NSFL1C: variants seen among roughly 807,000 people sequenced by gnomAD.
NSFL1C encodes the protein NSFL1 cofactor.
A neutral mutation model predicts 43.1 loss-of-function variants in NSFL1C; 14 were observed. That is an observed-to-expected ratio of 0.32 (90% CI 0.21 to 0.51). NSFL1C has a LOEUF of 0.51. Among genes scored for constraint, NSFL1C ranks in the 20% least tolerant of loss-of-function variants. The pLI is 0.98. For missense variants in NSFL1C, 406 were observed against 472.5 expected, an observed-to-expected ratio of 0.86 and a Z score of 1.30; for synonymous variants, 171 against 183.5, an observed-to-expected ratio of 0.93 and a Z score of 0.55.
chr20:1,461,356 G>T (rs983097910), intron 2 of NSFL1C, among the ~76,000 whole-genome samples: 1 of 152,196 alleles, frequency 6.6e-6, no homozygotes, highest in Admixed American at 6.5e-5. Flanking sequence ...TGGTCACAGG[G>T]TTAGCAATAA....
intron 7 of NSFL1C, chr20:1,446,157 G>A (rs539930360): frequency 1.6e-5 from 7 of 445,430 alleles, no homozygotes; most frequent in South Asian, 1.3e-4. Context: ...AGCCTAGGGT[G>A]GGAGAGACAG....
Position 1,453,033 on chromosome 20 carries a change from T to C in NSFL1C, c.645A>G (p.Arg215=). ...TACAGGAGGGCTTTTTCACTCACCC[T>C]CTGCGGATAGACTCCAGAAACTGGG... ...SNAQFLESIR[R]GEVPAELRRL... is the part of the protein sequence containing the mutation. Residue 215 remains arginine (R), a splice_region_variant and synonymous_variant, in exon 6 of 9, where the codon AGA becomes AGG. Coordinates refer to ENST00000216879, the MANE Select transcript of NSFL1C (RefSeq NM_016143.5). 7 of 1,592,492 alleles carry C rather than the reference T, an allele frequency of 4.4e-6. No individual in the cohort carries two copies. The highest frequency in any genetic ancestry group is 4.3e-6 in the Non-Finnish European group (5 of 1,160,246).
intron 6 of NSFL1C, 132 bp from the exon 7 acceptor site, chr20:1,452,762 G>A (rs2090210893): frequency 6.3e-6 from 7 of 1,109,496 alleles, no homozygotes; most frequent in Non-Finnish European, 9.0e-6. Flanking sequence ...AGGCTACTCT[G>A]GTGGCTACCT....
chr20:1,454,917 A>C, intron 4 of NSFL1C, 50 bp downstream of exon 4: 1 of 1,575,346 alleles, frequency 6.3e-7, no homozygotes, highest in Admixed American at 1.8e-5. Context: ...TGGCATTCCC[A>C]GTTCTGGAAT....
At chr20:1,458,168 A>C in intron 3 of NSFL1C, 32 bp downstream of exon 3, 1 of 1,566,474 alleles carries the variant, frequency 6.4e-7, no homozygotes, top group Non-Finnish European at 8.8e-7. Flanking sequence ...TTCCCTGTGA[A>C]CTGTCCCCCT....
At chr20:1,447,072 G>A (rs759684410) in intron 7 of NSFL1C, among the ~76,000 whole-genome samples, 8 of 152,190 alleles carry the variant, frequency 5.3e-5, no homozygotes, top group Admixed American at 1.3e-4. Context: ...TGACTGAAAA[G>A]CAAACTTACT....
intron 2 of NSFL1C, among the ~76,000 whole-genome samples, chr20:1,459,750 CA>C (rs1410762511): frequency 6.6e-6 from 1 of 152,178 alleles, no homozygotes; most frequent in African/African-American, 2.4e-5. Context: ...TGACATGGTT[CA>C]AAAGGATCCA....
At chr20:1,465,558 T>C (rs1259276149) in intron 1 of NSFL1C, among the ~76,000 whole-genome samples, 1 of 152,194 alleles carries the variant, frequency 6.6e-6, no homozygotes, top group African/African-American at 2.4e-5. Flanking sequence ...GTGTGATGCT[T>C]TACCGAATTC....
At chr20:1,456,479 T>A (rs1020885502) in intron 3 of NSFL1C, 2 of 152,214 alleles carry the variant, frequency 1.3e-5, no homozygotes, top group African/African-American at 4.8e-5. Flanking sequence ...TCAGCCCACT[T>A]CCCCAAAGAC....
At chr20:1,455,233 C>CA in intron 3 of NSFL1C, 101 bp from the exon 4 acceptor site, 1 of 1,335,446 alleles carries the variant, frequency 7.5e-7, no homozygotes, top group Non-Finnish European at 1.1e-6. Flanking sequence ...GGGTACAATG[C>CA]TTGTCTTTAA....
intron 2 of NSFL1C, 111 bp from the exon 3 acceptor site, chr20:1,458,385 G>C (rs1420147234): frequency 3.8e-6 from 3 of 793,796 alleles, no homozygotes; most frequent in Non-Finnish European, 6.6e-6. Context: ...TGGTAGGCGA[G>C]AGGAGGACGT....
At chr20:1,455,770 A>C (rs2090286104) in intron 3 of NSFL1C, 1 of 778,742 alleles carries the variant, frequency 1.3e-6, no homozygotes, top group South Asian at 1.3e-5. Flanking sequence ...CAAAAGAACA[A>C]GCACAGAGTA....
At chr20:1,461,965 T>A (rs1215788737) in intron 2 of NSFL1C, among the ~76,000 whole-genome samples, 2 of 152,200 alleles carry the variant, frequency 1.3e-5, no homozygotes, top group Non-Finnish European at 2.9e-5. Flanking sequence ...GAGAATCTCA[T>A]AAAAGCCATG....
intron 7 of NSFL1C, among the ~76,000 whole-genome samples, chr20:1,449,450 A>G (rs2090139169): frequency 1.3e-5 from 2 of 152,198 alleles, no homozygotes; most frequent in South Asian, 4.1e-4. Flanking sequence ...TCAAATAATA[A>G]GAGCACATCA....
At chr20:1,445,385 T>C (rs191454984) in intron 8 of NSFL1C, among the ~76,000 whole-genome samples, 32 of 152,258 alleles carry the variant, frequency 2.1e-4, no homozygotes, top group African/African-American at 7.2e-4. Context: ...TGAAGTCTGG[T>C]AGCTTAAAAA....
rs369932985 is a variant in NSFL1C at position 1,443,818 on chromosome 20, C to T, written c.1044G>A (p.Leu348=). ...CCTTCAGGGTCTGGCTCTCATCAGC[C>T]AGCTCTTTGTTCGGGAAAGTAGTCA... ...ILMTTFPNKE[L]ADESQTLKEA... is the part of the protein sequence containing the mutation. Residue 348 remains leucine (L), a synonymous_variant, in exon 9 of 9, where the codon CTG becomes CTA. Transcript: ENST00000216879. 6 of 1,614,016 alleles carry T rather than the reference C, an allele frequency of 3.7e-6. No homozygotes were observed. Among genetic ancestry groups the T allele is most frequent in the African/African-American group, 2.7e-5 (2 of 74,910 alleles).
intron 3 of NSFL1C, chr20:1,457,056 T>C (rs2090317133): frequency 6.6e-6 from 1 of 152,252 alleles, no homozygotes; most frequent in African/African-American, 2.4e-5. Flanking sequence ...GACTTTTTCA[T>C]TATACTAGTC....
chr20:1,446,071 T>C (rs888358376), intron 7 of NSFL1C: 15 of 568,092 alleles, frequency 2.6e-5, no homozygotes, highest in African/African-American at 2.1e-4. Context: ...TCCTGAGTAA[T>C]GTGGGCAAGT....
chr20:1,464,136 A>C (rs2090464510), intron 2 of NSFL1C, 193 bp downstream of exon 2: 2 of 544,878 alleles, frequency 3.7e-6, no homozygotes, highest in South Asian at 5.6e-5. Context: ...ACCATAAACC[A>C]CACCCAGTTA....
Sources: allele counts gnomAD v4.1 joint callset (sites outside exome capture counted in the v4.1 genomes callset), GRCh38; gene constraint gnomAD v4.1.1; transcripts MANE v1.5; gene names NCBI Gene and HGNC (gene_info 2026-07-23, HGNC 2026-07-21).